The following SCARA3 variants were observed in gnomAD, a reference collection of about 807,000 sequenced individuals.
SCARA3 encodes the protein cellular stress response gene protein.
SCARA3 carries 39 observed loss-of-function variants against 47.0 expected under a neutral mutation model. The observed-to-expected ratio is 0.83, with a 90% CI of 0.64 to 1.08. SCARA3 has a LOEUF of 1.08. Ranked by LOEUF, SCARA3 falls within the 50% of genes least tolerant of loss-of-function variation. The pLI, the probability that SCARA3 is intolerant of heterozygous loss-of-function variation, is 0.00. For synonymous variants in SCARA3, 356 were observed against 334.1 expected (o/e 1.07, Z -0.71); for missense variants, 724 against 792.3 (o/e 0.91, Z 1.04).
intron 2 of SCARA3, among the ~76,000 whole-genome samples, chr8:27,651,097 A>T (rs1414448348): frequency 6.6e-6 from 1 of 152,202 alleles, no homozygotes. Context: ...AGCTCCTGTG[A>T]TGGGAGACTT....
intron 1 of SCARA3, among the ~76,000 whole-genome samples, chr8:27,644,928 A>ACC (rs34884151): frequency 3.3e-5 from 5 of 151,696 alleles, no homozygotes; most frequent in African/African-American, 1.2e-4. Context: ...GAAAAACACG[A>ACC]CCCCCCCAAA....
chr8:27,672,518 C>G lies in SCARA3; in HGVS notation c.*1167C>G. 1.0e-6 allele frequency: 1 copy of G among 985,762 alleles called. No homozygotes were observed. Among genetic ancestry groups the G allele is most frequent in the Non-Finnish European group, 1.2e-6 (1 of 830,190 alleles). The allele number at this position is 985,762 out of a possible 1,614,324, so 61.1% of individuals were successfully genotyped here. A position where few individuals can be genotyped will look rare whatever the true frequency, so the allele number is the denominator to read the frequency against. On this transcript the variant is annotated 3_prime_UTR_variant, in exon 6 of 6. Transcript: ENST00000301904. ...TTGCAACAGGGCAGCTCTCGCCTCCCGCACACGGCTCTCCTGATCACAGCT... is the reference window on the plus strand; with the variant it reads ...TTGCAACAGGGCAGCTCTCGCCTCCGGCACACGGCTCTCCTGATCACAGCT...
At chr8:27,731,551 G>T in the SCARA3 span, among the ~76,000 whole-genome samples, 2 of 151,082 alleles carry the variant, frequency 1.3e-5, no homozygotes. Context: ...GAGAGGCTGA[G>T]GCAGGATAAT....
chr8:27,729,673 C>G, the SCARA3 span, among the ~76,000 whole-genome samples: 1 of 152,016 alleles, frequency 6.6e-6, no homozygotes, highest in Non-Finnish European at 1.5e-5. Flanking sequence ...CGCCTGTAGT[C>G]CCAACTACTC....
chr8:27,714,528 A>G, the SCARA3 span, among the ~76,000 whole-genome samples: 1 of 152,268 alleles, frequency 6.6e-6, no homozygotes, highest in South Asian at 2.1e-4. Flanking sequence ...AGAGTGGCCT[A>G]ACACAGGATG....
intron 3 of SCARA3, among the ~76,000 whole-genome samples, chr8:27,655,313 G>T (rs184117316): frequency 8.4e-4 from 128 of 152,276 alleles, no homozygotes; most frequent in Non-Finnish European, 1.5e-3. Context: ...GCTCTTGGTG[G>T]TGCTAATTCT....
the SCARA3 span, among the ~76,000 whole-genome samples, chr8:27,717,099 G>A: frequency 1.3e-5 from 2 of 152,160 alleles, no homozygotes; most frequent in Non-Finnish European, 2.9e-5. Context: ...CTGCTCCAGA[G>A]TGAAAGAGAC....
intron 2 of SCARA3, 132 bp from the exon 3 acceptor site, chr8:27,651,376 G>A (rs977106536): frequency 1.8e-6 from 2 of 1,106,604 alleles, no homozygotes; most frequent in Non-Finnish European, 2.5e-6. Context: ...GAGAATGAGG[G>A]TCGAGAACAG....
chr8:27,643,085 T>G (rs527241010), intron 1 of SCARA3, among the ~76,000 whole-genome samples: 3 of 152,338 alleles, frequency 2.0e-5, no homozygotes, highest in African/African-American at 7.2e-5. Flanking sequence ...GGATTGCTAT[T>G]GGCCTTTAGC....
intron 1 of SCARA3, among the ~76,000 whole-genome samples, chr8:27,635,765 T>C (rs539934294): frequency 6.6e-6 from 1 of 152,306 alleles, no homozygotes; most frequent in Non-Finnish European, 1.5e-5. Context: ...GAAATTCTTA[T>C]AATTTTTTAA....
chr8:27,654,673 C>T (rs1356211252), intron 3 of SCARA3, among the ~76,000 whole-genome samples: 1 of 151,836 alleles, frequency 6.6e-6, no homozygotes, highest in Non-Finnish European at 1.5e-5. Context: ...GCCAGTAGTC[C>T]TGGCTACTTA....
intron 4 of SCARA3, 40 bp downstream of exon 4, chr8:27,656,920 A>G: frequency 7.6e-7 from 1 of 1,320,760 alleles, no homozygotes; most frequent in Non-Finnish European, 1.1e-6. Flanking sequence ...AGTGATCTTC[A>G]GGGTGGGGCA....
At chr8:27,692,910 A>T in the SCARA3 span, among the ~76,000 whole-genome samples, 1 of 152,226 alleles carries the variant, frequency 6.6e-6, no homozygotes, top group South Asian at 2.1e-4. Flanking sequence ...GCATCACTTG[A>T]GGCCAGGAGA....
At chr8:27,713,959 C>G in the SCARA3 span, among the ~76,000 whole-genome samples, 1 of 152,066 alleles carries the variant, frequency 6.6e-6, no homozygotes, top group Non-Finnish European at 1.5e-5. Flanking sequence ...CCATTGCGAG[C>G]TCTTGTGAGA....
intron 5 of SCARA3, among the ~76,000 whole-genome samples, chr8:27,662,449 C>T (rs766667145): frequency 6.6e-6 from 1 of 152,210 alleles, no homozygotes; most frequent in Non-Finnish European, 1.5e-5. Flanking sequence ...TGCCCTACTT[C>T]GTCTGCTGTG....
At chr8:27,658,424 TATTTA>T in intron 4 of SCARA3, 67 bp from the exon 5 acceptor site, 2 of 1,374,646 alleles carry the variant, frequency 1.5e-6, no homozygotes, top group South Asian at 1.4e-5. Context: ...TGCTCTGAAA[TATTTA>T]ATTTAAAGAG....
In SCARA3 at chr8:27,659,020, G is replaced by A. The variant is rs1210283946; in HGVS notation, c.850G>A (p.Gly284Arg). Residue 284 changes from glycine to arginine, a missense_variant, in exon 5 of 6, where the codon GGG (glycine) becomes AGG (arginine). By Grantham distance (125) the Gly-to-Arg change is moderately radical. Coordinates refer to ENST00000301904, the MANE Select transcript of SCARA3 (RefSeq NM_016240.3). Reference sequence around the variant, plus strand: ...GGTCAAGAACATCCAGGCCACCCTGGGGGCCTCCTCACAGCGCATCAGCCA... The same window carrying A: ...GGTCAAGAACATCCAGGCCACCCTGAGGGCCTCCTCACAGCGCATCAGCCA... ...EAVKNIQATL[G>R]ASSQRISQNS... 25 of 1,613,890 alleles carry A rather than the reference G, an allele frequency of 1.5e-5. No individual in the cohort carries two copies. Among genetic ancestry groups the A allele is most frequent in the Admixed American group, 3.3e-5 (2 of 59,996 alleles).
At position 27,671,282 on chromosome 8, in the gene SCARA3, A is replaced by G; in HGVS notation, c.1752A>G (p.Glu584=). The change falls in exon 6 of 6, where the codon GAA becomes GAG. Residue 584 remains glutamate (E), a synonymous_variant. Transcript: ENST00000301904. ...GGGGGGCCATGGGGCCTAAGGGTGA[A>G]CCAGGGATCCAGGGTCCCCCTGGTC... is the stretch of plus-strand genomic sequence containing the variant. ...GQRGAMGPKG[E]PGIQGPPGLP... 6.9e-7 allele frequency: 1 copy of G among 1,446,604 alleles called. No individual in the cohort carries two copies. 89.6% of individuals were successfully genotyped at this position (1,446,604 alleles called of 1,614,324 possible). A position where few individuals can be genotyped will look rare whatever the true frequency, so the allele number is the denominator to read the frequency against.
chr8:27,676,653 A>G, downstream of SCARA3: 7 of 1,098,042 alleles, frequency 6.4e-6, no homozygotes, highest in Non-Finnish European at 8.4e-6. Context: ...TTGAAAATGA[A>G]TTTGTTTACT....
Sources: gnomAD v4.1 joint callset for allele counts (sites outside exome capture counted in the v4.1 genomes callset) on GRCh38, gnomAD v4.1.1 for gene constraint, MANE v1.5 for transcripts, NCBI Gene and HGNC (gene_info 2026-07-23, HGNC 2026-07-21) for gene names.